Variants in GAK observed in about 807,000 individuals in gnomAD.
The protein encoded by GAK is cyclin G associated kinase.
In GAK, 79 loss-of-function variants were observed where a neutral mutation model predicts 143.9. The observed-to-expected ratio is 0.55, with a 90% CI of 0.46 to 0.66. GAK has a LOEUF of 0.66. GAK is among the 30% of genes least tolerant of loss of function. GAK has a pLI of 0.00. For missense variants in GAK, 1,693 were observed against 1,779.7 expected (o/e 0.95, Z 0.88); for synonymous variants, 881 against 765.5 (o/e 1.15, Z -2.49).
At position 877,050 on chromosome 4, in the gene GAK, C is replaced by T. The variant is rs201126379; in HGVS notation, c.1974+40G>A. On this transcript the variant is annotated intron_variant, in intron 17 of 27. Coordinates refer to ENST00000314167, the MANE Select transcript of GAK (RefSeq NM_005255.4). Reference sequence around the variant, plus strand: ...GCCCCCAGCCCCCCATGAGCCTAGGCGTGAGTGGGGAGCACCGGGCAAGCC... The same window carrying T: ...GCCCCCAGCCCCCCATGAGCCTAGGTGTGAGTGGGGAGCACCGGGCAAGCC... 2.8e-5 allele frequency: 38 copies of T among 1,379,398 alleles called. No homozygotes were observed. In the Admixed American group the frequency reaches 3.5e-4, roughly 13 times the overall value. The allele number at this position is 1,379,398 out of a possible 1,614,324, so 85.4% of individuals were successfully genotyped here.
chr4:888,775 G>A, intron 11 of GAK, 72 bp downstream of exon 11: 1 of 1,533,040 alleles, frequency 6.5e-7, no homozygotes, highest in Non-Finnish European at 8.8e-7. Context: ...ACCGCAGCCA[G>A]GAAGCAAGGG....
chr4:890,847 G>C (rs953430459), intron 9 of GAK, among the ~76,000 whole-genome samples: 1 of 152,154 alleles, frequency 6.6e-6, no homozygotes, highest in Non-Finnish European at 1.5e-5. Flanking sequence ...GCTTGGGGCT[G>C]TTGCAGGTGC....
chr4:885,519 C>T (rs1716140715), intron 11 of GAK, among the ~76,000 whole-genome samples: 1 of 152,230 alleles, frequency 6.6e-6, no homozygotes, highest in African/African-American at 2.4e-5. Flanking sequence ...CCCAGCAGCC[C>T]TGCGGGGGCC....
intron 23 of GAK, among the ~76,000 whole-genome samples, chr4:862,079 C>A (rs1431838551): frequency 6.6e-6 from 1 of 151,856 alleles, no homozygotes; most frequent in Non-Finnish European, 1.5e-5. Context: ...AGGCTGCACC[C>A]GCCAGACTCT....
At chr4:889,455 AC>A (rs1357348549) in intron 10 of GAK, among the ~76,000 whole-genome samples, 4 of 150,300 alleles carry the variant, frequency 2.7e-5, no homozygotes, top group Non-Finnish European at 5.9e-5. Flanking sequence ...TAAAAAAAAA[AC>A]ACCTGGCCAA....
intron 1 of GAK, among the ~76,000 whole-genome samples, chr4:925,250 G>A (rs886670035): frequency 1.3e-5 from 2 of 152,142 alleles, no homozygotes; most frequent in African/African-American, 4.8e-5. Context: ...GAGGACTTGG[G>A]ACACTAGAGT....
chr4:914,396 G>T (rs1722651944), intron 1 of GAK, among the ~76,000 whole-genome samples: 1 of 88,936 alleles, frequency 1.1e-5, no homozygotes, highest in East Asian at 3.8e-4. Context: ...AGCATGCACG[G>T]CCCCACACAC....
intron 1 of GAK, among the ~76,000 whole-genome samples, chr4:914,558 C>T (rs1722719565): frequency 2.5e-5 from 3 of 119,434 alleles, no homozygotes; most frequent in Admixed American, 8.5e-5. Context: ...CCCCAGCGTG[C>T]ACGGCCCCCC....
At chr4:854,868 A>G (rs1748856961) in intron 24 of GAK, among the ~76,000 whole-genome samples, 1 of 152,062 alleles carries the variant, frequency 6.6e-6, no homozygotes, top group Non-Finnish European at 1.5e-5. Context: ...ACACGGTGAA[A>G]CCCCATCTCT....
At chr4:859,821 A>C in intron 23 of GAK, 99 bp from the exon 24 acceptor site, 2 of 838,812 alleles carry the variant, frequency 2.4e-6, no homozygotes, top group South Asian at 1.7e-5. Flanking sequence ...TGACAGCCTC[A>C]CTCCTGCCTG....
chr4:919,807 T>C (rs552319199), intron 1 of GAK, among the ~76,000 whole-genome samples: 86 of 152,368 alleles, frequency 5.6e-4, no homozygotes, highest in Non-Finnish European at 9.7e-4. Flanking sequence ...AGCAGAAATT[T>C]CCTCCACATT....
intron 4 of GAK, among the ~76,000 whole-genome samples, chr4:907,901 T>C (rs1467703487): frequency 6.6e-6 from 1 of 152,134 alleles, no homozygotes; most frequent in African/African-American, 2.4e-5. Context: ...CTGCCTCGTG[T>C]ATTTATGACT....
At chr4:855,536 A>C (rs764583342) in intron 24 of GAK, among the ~76,000 whole-genome samples, 1 of 152,184 alleles carries the variant, frequency 6.6e-6, no homozygotes, top group Non-Finnish European at 1.5e-5. Flanking sequence ...AGACAGGAGT[A>C]ATTTTATTTC....
At chr4:863,241 G>C (rs1387244329) in intron 23 of GAK, among the ~76,000 whole-genome samples, 1 of 152,228 alleles carries the variant, frequency 6.6e-6, no homozygotes, top group Non-Finnish European at 1.5e-5. Flanking sequence ...ATTAGAAGTG[G>C]AGCCTGCAGA....
At position 851,088 on chromosome 4, in the gene GAK, G is replaced by A. The variant is rs1461326705; in HGVS notation, c.3509-4C>T. The A allele has an allele frequency of 6.2e-7, 1 of 1,612,284 alleles. No homozygotes were observed. The highest frequency in any genetic ancestry group is 8.5e-7 in the Non-Finnish European group (1 of 1,179,200). On this transcript the variant is annotated splice_polypyrimidine_tract_variant and splice_region_variant and intron_variant, in intron 25 of 27. Transcript: ENST00000314167. ...TCAGAGACTTTTGGCTTTTGAGCTA[G>A]AAAAGAACAGAAACTTTTTTTTGTT...
chr4:893,852 C>T, intron 8 of GAK, 22 bp downstream of exon 8: 2 of 1,560,866 alleles, frequency 1.3e-6, no homozygotes, highest in Non-Finnish European at 1.7e-6. Flanking sequence ...CTGCCCCACG[C>T]ACGCATTCCA....
chr4:888,086 A>G (rs1257770766), intron 11 of GAK: 4 of 152,298 alleles, frequency 2.6e-5, no homozygotes, highest in Admixed American at 6.5e-5. Context: ...AACAAAAAAC[A>G]TAAGAAAAAG....
chr4:907,176 G>C (rs1431148923), intron 4 of GAK, among the ~76,000 whole-genome samples: 1 of 152,186 alleles, frequency 6.6e-6, no homozygotes, highest in East Asian at 1.9e-4. Context: ...GGCCACGCTA[G>C]AATCGACTCA....
chr4:907,639 AG>A (rs1365720880), intron 4 of GAK, among the ~76,000 whole-genome samples: 5 of 152,228 alleles, frequency 3.3e-5, no homozygotes, highest in African/African-American at 1.2e-4. Context: ...CTTCCCTCAG[AG>A]GACACTGGAG....
Sources: gnomAD v4.1 joint callset for allele counts (sites outside exome capture counted in the v4.1 genomes callset) on GRCh38, gnomAD v4.1.1 for gene constraint, MANE v1.5 for transcripts, NCBI Gene and HGNC (gene_info 2026-07-23, HGNC 2026-07-21) for gene names.